The following TULP4 variants were observed in gnomAD, a reference collection of about 807,000 sequenced individuals.
TULP4 encodes tubby-related protein 4.
In TULP4, 16 loss-of-function variants were observed where a neutral mutation model predicts 129.0. The observed-to-expected ratio is 0.12, with a 90% CI of 0.08 to 0.19. The LOEUF is 0.19. Among genes scored for constraint, TULP4 ranks in the 10% least tolerant of loss-of-function variants. The pLI is 1.00. For synonymous variants in TULP4, 998 were observed against 854.0 expected (o/e 1.17, Z -2.94); for missense variants, 1,842 against 2,059.1 (o/e 0.89, Z 2.04).
intron 1 of TULP4, among the ~76,000 whole-genome samples, chr6:158,292,456 A>G (rs542733947): frequency 6.6e-6 from 1 of 152,186 alleles, no homozygotes; most frequent in East Asian, 1.9e-4. Context: ...GAGATTTTCT[A>G]TACTTTCCTG....
intron 1 of TULP4, among the ~76,000 whole-genome samples, chr6:158,268,330 C>T (rs1778488236): frequency 2.6e-5 from 4 of 152,140 alleles, no homozygotes. Context: ...TGAGCCACTG[C>T]ACCCGGCCTT....
chr6:158,325,659 G>A (rs920142482), intron 1 of TULP4, among the ~76,000 whole-genome samples: 4 of 152,138 alleles, frequency 2.6e-5, no homozygotes, highest in African/African-American at 9.7e-5. Flanking sequence ...CCGAGGAACA[G>A]CTCTTCTTTT....
chr6:158,478,577 A>G (rs1426880073), intron 6 of TULP4, among the ~76,000 whole-genome samples: 1 of 152,052 alleles, frequency 6.6e-6, no homozygotes, highest in Non-Finnish European at 1.5e-5. Flanking sequence ...AAGCCCCTAG[A>G]CTTGAGTTTT....
chr6:158,456,886 G>A (rs1159415977), intron 5 of TULP4, among the ~76,000 whole-genome samples: 1 of 151,628 alleles, frequency 6.6e-6, no homozygotes, highest in Non-Finnish European at 1.5e-5. Flanking sequence ...TTGGGATCTC[G>A]TTCTCTGTGC....
intron 1 of TULP4, among the ~76,000 whole-genome samples, chr6:158,366,669 G>C (rs1361806513): frequency 6.6e-6 from 1 of 152,186 alleles, no homozygotes; most frequent in Admixed American, 6.5e-5. Flanking sequence ...GTTGTACCAT[G>C]TGTCTTGTTT....
chr6:158,280,867 T>C (rs529822139), upstream of TULP4, among the ~76,000 whole-genome samples: 5 of 152,246 alleles, frequency 3.3e-5, no homozygotes, highest in African/African-American at 4.8e-5. Context: ...CTCAAGTGTT[T>C]GCACAGTGAA....
rs71030149 is a variant in TULP4, at chr6:158,236,795, C to CTTTTTTTTT, written n.68+4520_68+4528dup. Among the ~76,000 whole-genome samples, 142 of 63,264 alleles carry CTTTTTTTTT rather than the reference C, an allele frequency of 2.2e-3. 25 individuals carry two copies. The highest frequency in any genetic ancestry group is 3.5e-3 in the South Asian group (6 of 1,726). The allele number at this position is 63,264 out of a possible 152,430, so 41.5% of individuals were successfully genotyped here. ...AGATGGGTAAATGCCCAATTCTTTT[C>CTTTTTTTTT]TTTTTTTTTTTTTTTTTTTTTTTTT... On this transcript the variant is annotated intron_variant and non_coding_transcript_variant, in intron 1 of 1. Transcript: ENST00000620026.
intron 2 of TULP4, among the ~76,000 whole-genome samples, chr6:158,425,532 AAAAAT>A (rs1207811524): frequency 1.0e-4 from 15 of 149,054 alleles, no homozygotes; most frequent in Non-Finnish European, 1.5e-4. Flanking sequence ...AAAAAAAAAA[AAAAAT>A]GGCAGCCGAC....
intron 1 of TULP4, among the ~76,000 whole-genome samples, chr6:158,386,451 A>AT (rs1393831010): frequency 6.6e-6 from 1 of 152,210 alleles, no homozygotes; most frequent in Admixed American, 6.5e-5. Flanking sequence ...ACTAATAGAT[A>AT]TATACTGTAG....
At chr6:158,393,729 A>G (rs1387309814) in intron 1 of TULP4, among the ~76,000 whole-genome samples, 2 of 152,238 alleles carry the variant, frequency 1.3e-5, no homozygotes, top group East Asian at 3.9e-4. Flanking sequence ...TGCACAGAGC[A>G]GCAGGGACCC....
chr6:158,505,349 C>T (rs1780576459), intron 13 of TULP4, among the ~76,000 whole-genome samples: 1 of 152,242 alleles, frequency 6.6e-6, no homozygotes, highest in African/African-American at 2.4e-5. Context: ...GGCATACTGG[C>T]CTTTGGGCCA....
Position 158,502,743 on chromosome 6 carries a change from C to T in TULP4, c.3080C>T (p.Pro1027Leu), listed in dbSNP as rs1780489699. Reference sequence around the variant, plus strand: ...CCCGGGGGGGTGGTGACACAGCTCCCAGCGCGGCCCCCACCTGCCCTGTAC... The same window carrying T: ...CCCGGGGGGGTGGTGACACAGCTCCTAGCGCGGCCCCCACCTGCCCTGTAC... ...GGPGGVVTQL[P>L]ARPPPALYTC... Residue 1027 changes from proline to leucine, a missense_variant, in exon 13 of 14, where the codon CCA becomes CTA. Around this residue, in one of 5 missense-constraint regions of TULP4, gnomAD observed 1,089 missense variants for 987.1 expected, o/e 1.10. Coordinates refer to ENST00000367097, the MANE Select transcript of TULP4 (RefSeq NM_020245.5). 3.8e-6 allele frequency: 6 copies of T among 1,582,710 alleles called. No homozygotes were observed. Among genetic ancestry groups the T allele is most frequent in the Admixed American group, 1.7e-5 (1 of 58,680 alleles).
At chr6:158,388,837 A>G (rs557501671) in intron 1 of TULP4, among the ~76,000 whole-genome samples, 1 of 152,312 alleles carries the variant, frequency 6.6e-6, no homozygotes, top group African/African-American at 2.4e-5. Context: ...AAAGAAGGAT[A>G]TGACACAGAC....
chr6:158,475,210 T>A (rs1779790411), intron 6 of TULP4, among the ~76,000 whole-genome samples: 14 of 152,182 alleles, frequency 9.2e-5, no homozygotes, highest in Admixed American at 9.2e-4. Flanking sequence ...GGGCTCAGCC[T>A]CAGCATTGAG....
chr6:158,297,173 C>G (rs1433141523), intron 1 of TULP4, among the ~76,000 whole-genome samples: 1 of 152,072 alleles, frequency 6.6e-6, no homozygotes, highest in Non-Finnish European at 1.5e-5. Context: ...TTCCTAGGGT[C>G]TTAATATTTA....
Position 158,382,983 on chromosome 6 carries a change from C to G in TULP4, c.253-30082C>G, listed in dbSNP as rs551900173. Among the ~76,000 whole-genome samples the G allele has an allele frequency of 3.9e-5, 6 of 152,254 alleles. No homozygotes were observed. In the South Asian group the frequency reaches 1.0e-3, roughly 26 times the overall value. Reference sequence around the variant, plus strand: ...CCTGAGAGGCGAATTAGTGCTGTGCCAAAAATGGAATGAGAACTCAGGTTC... The same window carrying G: ...CCTGAGAGGCGAATTAGTGCTGTGCGAAAAATGGAATGAGAACTCAGGTTC... On this transcript the variant is annotated intron_variant, in intron 1 of 13. Transcript: ENST00000367097.
intron 1 of TULP4, among the ~76,000 whole-genome samples, chr6:158,412,689 A>G (rs1326631478): frequency 6.6e-6 from 1 of 152,176 alleles, no homozygotes. Flanking sequence ...TTTCCATACT[A>G]AATAAATAAT....
chr6:158,417,140 C>CCTT (rs761033852), intron 2 of TULP4, among the ~76,000 whole-genome samples: 18 of 152,176 alleles, frequency 1.2e-4, no homozygotes, highest in Admixed American at 2.0e-4. Flanking sequence ...GGCTTCATTA[C>CCTT]CATTAAAAGG....
At chr6:158,232,476 C>G (rs1399356660) in intron 1 of TULP4, among the ~76,000 whole-genome samples, 2 of 150,098 alleles carry the variant, frequency 1.3e-5, no homozygotes, top group African/African-American at 4.9e-5. Context: ...CTGCGGGAGT[C>G]TTGGGAGGGG....
Sources: allele counts gnomAD v4.1 joint callset (sites outside exome capture counted in the v4.1 genomes callset), GRCh38; gene constraint gnomAD v4.1.1; regional missense constraint gnomAD v4.1.1; transcripts MANE v1.5; gene names NCBI Gene and HGNC (gene_info 2026-07-23, HGNC 2026-07-21).